Variants in PLK3 observed in about 807,000 individuals in gnomAD.
PLK3 encodes polo like kinase 3.
In PLK3, 41 loss-of-function variants were observed where a neutral mutation model predicts 71.6. That is an observed-to-expected ratio of 0.57 (90% confidence interval 0.45 to 0.74). The LOEUF (loss-of-function observed/expected upper bound fraction) is 0.74. Among genes scored for constraint, PLK3 ranks in the 30% least tolerant of loss-of-function variants. The pLI, the probability that PLK3 is intolerant of heterozygous loss-of-function variation, is 0.00. For missense variants in PLK3, 791 were observed against 875.6 expected (o/e 0.90, Z 1.22); for synonymous variants, 366 against 355.4 (o/e 1.03, Z -0.33).
chr1:44,802,688 C>A, intron 5 of PLK3, 72 bp from the exon 6 acceptor site: 1 of 1,021,324 alleles, frequency 9.8e-7, no homozygotes, highest in Non-Finnish European at 1.5e-6. Context: ...TCTGGACTAA[C>A]AGTGGGGGAA....
intron 5 of PLK3, among the ~76,000 whole-genome samples, chr1:44,802,288 T>C (rs1651858198): frequency 6.6e-6 from 1 of 151,600 alleles, no homozygotes; most frequent in East Asian, 1.9e-4. Context: ...AGTGTGGAAA[T>C]GGTGGGATAT....
At position 44,803,012 on chromosome 1, in the gene PLK3, C is replaced by G; in HGVS notation, c.807C>G (p.Tyr269Ter). 2.5e-6 allele frequency: 4 copies of G among 1,614,052 alleles called. No homozygotes were observed. Among genetic ancestry groups the G allele is most frequent in the Non-Finnish European group, 3.4e-6 (4 of 1,179,996 alleles). Residue 269 changes from tyrosine to a stop codon, truncating the protein, a stop_gained, in exon 7 of 15, where the codon TAC becomes TAG. Transcript: ENST00000372201. LOFTEE classifies it high-confidence loss of function. The surrounding 1 kb of genome is among the most constrained non-coding windows in gnomAD (Gnocchi z 4.3). ...AGACGGCTGACCTGAAGGAGACGTA[C>G]CGCTGCATCAAGCAGGTTCACTACA... ...PFETADLKET[Y>*]RCIKQVHYTL...
chr1:44,803,931 G>C lies in PLK3; in HGVS notation c.1165G>C (p.Ala389Pro), dbSNP rs893531009. 3 of 1,548,986 alleles carry C rather than the reference G, an allele frequency of 1.9e-6. No homozygotes were observed. Among genetic ancestry groups the C allele is most frequent in the Admixed American group, 2.0e-5 (1 of 50,998 alleles). ...SVGHQDARPE[A>P]PAASGPAPVS... ...TCCCTTTCCCTGCCCAACCCTCCAG[G>C]CTCCAGCAGCTTCTGGCCCAGCCCC... The change falls in exon 10 of 15, where the codon GCT (alanine) becomes CCT (proline). Residue 389 changes from alanine to proline, a missense_variant and splice_region_variant. Transcript: ENST00000372201. This position sits in a 1 kb window ranked among gnomAD's most constrained non-coding sequence, Gnocchi z 4.3.
intron 6 of PLK3, 49 bp downstream of exon 6, chr1:44,802,904 G>C (rs1281623003): frequency 1.9e-6 from 3 of 1,603,062 alleles, no homozygotes; most frequent in African/African-American, 1.3e-5. Flanking sequence ...TGGGTGTGTG[G>C]GTGGAGCATC....
At position 44,802,939 on chromosome 1, in the gene PLK3, T is replaced by C; in HGVS notation, c.750-16T>C. 6.2e-7 allele frequency: 1 copy of C among 1,613,782 alleles called. No individual in the cohort carries two copies. Among genetic ancestry groups the C allele is most frequent in the Non-Finnish European group, 8.5e-7 (1 of 1,179,700 alleles). On this transcript the variant is annotated splice_polypyrimidine_tract_variant and intron_variant, in intron 6 of 14. Transcript: ENST00000372201. ...CTCCTCCACTTTACTCCTGACCCCT[T>C]GGCCCTGCCCTATAGGTACACGCTG...
chr1:44,801,474 C>T (rs1651828395), intron 3 of PLK3, 148 bp from the exon 4 acceptor site: 11 of 828,452 alleles, frequency 1.3e-5, no homozygotes, highest in Non-Finnish European at 2.0e-5. Flanking sequence ...TCCCAAAGTG[C>T]TGGGATTACA....
In PLK3 at chr1:44,805,490, A is replaced by G; in HGVS notation, c.1753A>G (p.Asn585Asp). 1.2e-6 allele frequency: 2 copies of G among 1,614,098 alleles called. No homozygotes were observed. The highest frequency in any genetic ancestry group is 2.2e-5 in the South Asian group (2 of 91,082). Residue 585 changes from asparagine to aspartate, a missense_variant, in exon 15 of 15, where the codon AAC (asparagine) becomes GAC (aspartate). Physicochemically the swap from Asn to Asp is conservative, Grantham distance 23 (BLOSUM62 1). Coordinates refer to ENST00000372201, the MANE Select transcript of PLK3 (RefSeq NM_004073.4). ...CACTGTCATGCTCTGTGTGCAGGTG[A>G]ACTTCTACGGGGACCACACCAAGCT... Reference protein sequence around the residue: ...MLFSDGTVQVNFYGDHTKLIL... With the variant: ...MLFSDGTVQVDFYGDHTKLIL...
rs1652025273 is a variant in PLK3, at chr1:44,805,930, A to G, written c.*252A>G. On this transcript the variant is annotated 3_prime_UTR_variant, in exon 15 of 15. Coordinates refer to ENST00000372201, the MANE Select transcript of PLK3 (RefSeq NM_004073.4). ...CACTTTTATTTATTGTCAGACACTT[A>G]TTTATTGGGATGTGAGCCCCAGGGG... 3 of 1,489,760 alleles carry G rather than the reference A, an allele frequency of 2.0e-6. No homozygotes were observed. Among genetic ancestry groups the G allele is most frequent in the Non-Finnish European group, 2.7e-6 (3 of 1,119,586 alleles). The allele number at this position is 1,489,760 out of a possible 1,614,324, so 92.3% of individuals were successfully genotyped here.
In PLK3 at chr1:44,800,578, G is replaced by GA; in HGVS notation, c.116dup (p.Met40AspfsTer42). 1 of 1,535,420 alleles carries GA rather than the reference G, an allele frequency of 6.5e-7. No homozygotes were observed. The highest frequency in any genetic ancestry group is 8.7e-7 in the Non-Finnish European group (1 of 1,145,282). ...GAGTGCCTTGCGCGGACCTGAGCTG[G>GA]AGATGCTGGCCGGGCTACCGACGTC... On this transcript the variant is annotated frameshift_variant, in exon 1 of 15. Coordinates refer to ENST00000372201, the MANE Select transcript of PLK3 (RefSeq NM_004073.4). LOFTEE classifies it high-confidence loss of function. This position sits in a 1 kb window ranked among gnomAD's most constrained non-coding sequence, Gnocchi z 6.5.
chr1:44,800,658 C>T lies in PLK3; in HGVS notation c.195C>T (p.Gly65=). ...DPRSGRTYLK[G]RLLGKGGFAR... Reference sequence around the variant, plus strand: ...GCAGCGGCCGCACCTACCTCAAAGGCCGCTTGTTGGGCAAGGTGGGCCGAG... The same window carrying T: ...GCAGCGGCCGCACCTACCTCAAAGGTCGCTTGTTGGGCAAGGTGGGCCGAG... Residue 65 remains glycine (G), a synonymous_variant, in exon 1 of 15, where the codon GGC becomes GGT. Transcript: ENST00000372201. The surrounding 1 kb of genome is among the most constrained non-coding windows in gnomAD (Gnocchi z 6.5). 1 of 1,551,382 alleles carries T rather than the reference C, an allele frequency of 6.4e-7. No homozygotes were observed.
chr1:44,801,630 C>A lies in PLK3; in HGVS notation c.444C>A (p.Ala148=), dbSNP rs140199593. Residue 148 remains alanine (A), a synonymous_variant, in exon 4 of 15, where the codon GCC becomes GCA. Coordinates refer to ENST00000372201, the MANE Select transcript of PLK3 (RefSeq NM_004073.4). ...GCAGTGGCTCTCTGCAGTCCCTGGC[C>A]CACATCTGGAAGGCCCGGCACACCC... ...FLELCSRKSL[A]HIWKARHTLL... The A allele has an allele frequency of 3.7e-3, 6,036 of 1,613,290 alleles. 20 individuals are homozygous for A. The highest frequency in any genetic ancestry group is 4.8e-3 in the Non-Finnish European group (5,721 of 1,179,760).
In PLK3 at chr1:44,804,742, G is replaced by A. The variant is rs778638096; in HGVS notation, c.1598G>A (p.Arg533Gln). The A allele has an allele frequency of 2.0e-5, 33 of 1,613,924 alleles. No individual in the cohort carries two copies. The highest frequency in any genetic ancestry group is 2.7e-5 in the African/African-American group (2 of 74,910). ...CTGCAGCCTCAGCTGGGTATCCTGCGGTACTTCGCCTCCTACATGGAGCAG... is the reference window on the plus strand; with the variant it reads ...CTGCAGCCTCAGCTGGGTATCCTGCAGTACTTCGCCTCCTACATGGAGCAG... ...RALQPQLGIL[R>Q]YFASYMEQHL... The change falls in exon 13 of 15, where the codon CGG becomes CAG. Residue 533 changes from arginine (R) to glutamine (Q), a missense_variant. Physicochemically the swap from Arg to Gln is conservative, Grantham distance 43 (BLOSUM62 1). Transcript: ENST00000372201.
rs1412879572 is a variant in PLK3, at chr1:44,802,857, T to G, written c.749+2T>G. 6.2e-7 allele frequency: 1 copy of G among 1,612,872 alleles called. No homozygotes were observed. Among genetic ancestry groups the G allele is most frequent in the African/African-American group, 1.3e-5 (1 of 74,890 alleles). ...TGTATGGTCACTGGGCTGTGTCATGTGAGTTGCAGGGTCCAGGTTCAGCAG... is the reference window on the plus strand; with the variant it reads ...TGTATGGTCACTGGGCTGTGTCATGGGAGTTGCAGGGTCCAGGTTCAGCAG... On this transcript the variant is annotated splice_donor_variant, in intron 6 of 14. Coordinates refer to ENST00000372201, the MANE Select transcript of PLK3 (RefSeq NM_004073.4). LOFTEE classifies it high-confidence loss of function.
In PLK3 at chr1:44,801,030, T is replaced by C. The variant is rs1295059719; in HGVS notation, c.319-6T>C. On this transcript the variant is annotated splice_polypyrimidine_tract_variant and splice_region_variant and intron_variant, in intron 2 of 14. Coordinates refer to ENST00000372201, the MANE Select transcript of PLK3 (RefSeq NM_004073.4). The stretch of plus-strand genomic sequence containing the variant: ...GAAGGATGACGACTCCGCGCCCTCA[T>C]CGCAGATCCTAAATGAGATTGAGCT... The C allele has an allele frequency of 6.2e-7, 1 of 1,611,994 alleles. No homozygotes were observed. Among genetic ancestry groups the C allele is most frequent in the Non-Finnish European group, 8.5e-7 (1 of 1,178,466 alleles).
At chr1:44,802,397 C>G (rs1239863572) in intron 5 of PLK3, among the ~76,000 whole-genome samples, 5 of 152,064 alleles carry the variant, frequency 3.3e-5, no homozygotes, top group African/African-American at 1.2e-4. Flanking sequence ...GGGGTTGTGA[C>G]AGCTGGTGTT....
In PLK3 at chr1:44,803,132, G is replaced by C; in HGVS notation, c.927G>C (p.Leu309=). 2 of 1,613,816 alleles carry C rather than the reference G, an allele frequency of 1.2e-6. No individual in the cohort carries two copies. The highest frequency in any genetic ancestry group is 1.3e-5 in the African/African-American group (1 of 74,970). The part of the protein sequence containing the change: ...PRDRPSIDQI[L]RHDFFTKGYT... ...ACCGCCCCTCTATTGACCAGATCCT[G>C]CGCCATGACTTCTTTACCAAGGTCT... Residue 309 remains leucine, a synonymous_variant, in exon 7 of 15, where the codon CTG becomes CTC. Coordinates refer to ENST00000372201, the MANE Select transcript of PLK3 (RefSeq NM_004073.4). The surrounding 1 kb of genome is among the most constrained non-coding windows in gnomAD (Gnocchi z 4.3).
rs1039236340 is a variant in PLK3, at chr1:44,803,909, C to T, written c.1165-22C>T. On this transcript the variant is annotated intron_variant, in intron 9 of 14. Transcript: ENST00000372201. This position sits in a 1 kb window ranked among gnomAD's most constrained non-coding sequence, Gnocchi z 4.3. The stretch of plus-strand genomic sequence containing the variant: ...TGGATTTTGGGGCCTGTGTCACTCC[C>T]TTTCCCTGCCCAACCCTCCAGGCTC... 5 of 1,525,062 alleles carry T rather than the reference C, an allele frequency of 3.3e-6. No individual in the cohort carries two copies. The African/African-American group carries it at 5.5e-5, about 17-fold the overall frequency. 94.5% of individuals were successfully genotyped at this position (1,525,062 alleles called of 1,614,324 possible).
At position 44,804,762 on chromosome 1, in the gene PLK3, GAGC is replaced by G; in HGVS notation, c.1623_1625del (p.Gln541del). ...CCTGCGGTACTTCGCCTCCTACATGGAGCAGCACCTCATGAAGGTGTGAGGGCT... is the reference window on the plus strand; with the variant it reads ...CCTGCGGTACTTCGCCTCCTACATGGAGCACCTCATGAAGGTGTGAGGGCT... On this transcript the variant is annotated inframe_deletion, in exon 13 of 15. Coordinates refer to ENST00000372201, the MANE Select transcript of PLK3 (RefSeq NM_004073.4). The G allele has an allele frequency of 6.2e-7, 1 of 1,614,026 alleles. No individual in the cohort carries two copies. The highest frequency in any genetic ancestry group is 8.5e-7 in the Non-Finnish European group (1 of 1,179,912).
chr1:44,803,033 C>T lies in PLK3; in HGVS notation c.828C>T (p.His276=). ...KETYRCIKQV[H]YTLPASLSLP... ...CGTACCGCTGCATCAAGCAGGTTCA[C>T]TACACGCTGCCTGCCAGCCTCTCAC... Residue 276 remains histidine (H), a synonymous_variant, in exon 7 of 15, where the codon CAC becomes CAT. Coordinates refer to ENST00000372201, the MANE Select transcript of PLK3 (RefSeq NM_004073.4). This position sits in a 1 kb window ranked among gnomAD's most constrained non-coding sequence, Gnocchi z 4.3. 6.2e-7 allele frequency: 1 copy of T among 1,614,042 alleles called. No homozygotes were observed. Among genetic ancestry groups the T allele is most frequent in the Non-Finnish European group, 8.5e-7 (1 of 1,179,994 alleles).
Sources: allele counts gnomAD v4.1 joint callset (sites outside exome capture counted in the v4.1 genomes callset), GRCh38; gene constraint gnomAD v4.1.1; non-coding constraint Gnocchi (gnomAD v3.1); transcripts MANE v1.5; gene names NCBI Gene and HGNC (gene_info 2026-07-23, HGNC 2026-07-21).